The following P4HTM variants were observed in gnomAD, a reference collection of about 807,000 sequenced individuals.
P4HTM encodes the protein prolyl 4-hydroxylase, transmembrane.
P4HTM carries 33 observed loss-of-function variants against 55.3 expected under a neutral mutation model. That is an observed-to-expected ratio of 0.60 (90% CI 0.45 to 0.80). The LOEUF (loss-of-function observed/expected upper bound fraction) is 0.80, where lower values mean the gene tolerates loss of function less well. Among genes scored for constraint, P4HTM ranks in the 30% least tolerant of loss-of-function variants. P4HTM has a pLI of 0.00. For missense variants in P4HTM, 542 were observed against 696.5 expected (o/e 0.78, Z 2.50); for synonymous variants, 272 against 286.4 (o/e 0.95, Z 0.51).
Position 48,990,699 on chromosome 3 carries a change from C to T in P4HTM, c.354+89C>T. The T allele has an allele frequency of 2.1e-6, 3 of 1,459,502 alleles. No individual in the cohort carries two copies. In the East Asian group the frequency reaches 7.5e-5, roughly 36 times the overall value. The allele number at this position is 1,459,502 out of a possible 1,614,324, so 90.4% of individuals were successfully genotyped here. A position where few individuals can be genotyped will look rare whatever the true frequency, so the allele number is the denominator to read the frequency against. On this transcript the variant is annotated intron_variant, in intron 1 of 8. Coordinates refer to ENST00000383729, the MANE Select transcript of P4HTM (RefSeq NM_177939.3). The surrounding 1 kb of genome is among the most constrained non-coding windows in gnomAD (Gnocchi z 7.2). ...CTCAGCCCGGGTCCCCACGCTGCCC[C>T]CGGCGCTGCTCTGCGTCGGTCCCGC...
At chr3:49,005,324 G>A (rs1033974979) in intron 6 of P4HTM, 1 of 1,431,812 alleles carries the variant, frequency 7.0e-7, no homozygotes, top group Middle Eastern at 1.8e-4. Context: ...GGGCAAGGCT[G>A]GGCCCCTAGC....
intron 4 of P4HTM, chr3:49,003,048 TGTCCACCTGGA>T: frequency 3.1e-6 from 1 of 323,784 alleles, no homozygotes; most frequent in African/African-American, 2.2e-5. Flanking sequence ...GCCTTCCTCT[TGTCCACCTGGA>T]GTCATGCCGA....
intron 2 of P4HTM, among the ~76,000 whole-genome samples, chr3:48,994,166 T>C (rs1224130322): frequency 6.6e-6 from 1 of 152,204 alleles, no homozygotes; most frequent in East Asian, 1.9e-4. Context: ...GTCTGTCTTC[T>C]GGGCCTGCCT....
At chr3:49,003,068 G>A (rs369563987) in intron 4 of P4HTM, 23 of 306,716 alleles carry the variant, frequency 7.5e-5, no homozygotes, top group African/African-American at 4.1e-4. Flanking sequence ...GAGTCATGCC[G>A]AAGCGCCTAA....
rs1328246899 is a variant in P4HTM at position 48,994,949 on chromosome 3, G to A, written c.436+4035G>A. Among the ~76,000 whole-genome samples the A allele has an allele frequency of 8.6e-5, 13 of 151,988 alleles. No homozygotes were observed. In the South Asian group the frequency reaches 2.1e-3, roughly 24 times the overall value. On this transcript the variant is annotated intron_variant, in intron 2 of 8. Transcript: ENST00000383729. ...CAAACAGCCGGAACTACAGGCACCC[G>A]CCACCACACCTGGCTAATTTTTTGT...
At chr3:49,006,610 T>C in intron 8 of P4HTM, 77 bp from the exon 9 acceptor site, 2 of 1,218,378 alleles carry the variant, frequency 1.6e-6, no homozygotes, top group South Asian at 2.5e-5. Context: ...GGACCCACCT[T>C]GGTCATGCTC....
chr3:49,001,717 G>T, intron 3 of P4HTM, 89 bp downstream of exon 3: 1 of 1,198,002 alleles, frequency 8.3e-7, no homozygotes, highest in Non-Finnish European at 1.2e-6. Context: ...GCCCAGGCCT[G>T]GTCCCAAAAG....
Position 48,999,701 on chromosome 3 carries a change from C to T in P4HTM, c.437-1737C>T, listed in dbSNP as rs2092956003. On this transcript the variant is annotated intron_variant, in intron 2 of 8. Transcript: ENST00000383729. The surrounding 1 kb of genome is among the most constrained non-coding windows in gnomAD (Gnocchi z 4.8). ...GACTGGGCTGTTTGTTTTTGATTAGCACACAGCAGGGGACTGTAGAGGCTG... is the reference window on the plus strand; with the variant it reads ...GACTGGGCTGTTTGTTTTTGATTAGTACACAGCAGGGGACTGTAGAGGCTG... 6.4e-6 allele frequency: 1 copy of T among 157,292 alleles called. No homozygotes were observed. Among genetic ancestry groups the T allele is most frequent in the Non-Finnish European group, 1.5e-5 (1 of 68,178 alleles). The allele number at this position is 157,292 out of a possible 1,614,324, so 9.7% of individuals were successfully genotyped here. A position where few individuals can be genotyped will look rare whatever the true frequency, so the allele number is the denominator to read the frequency against.
At chr3:48,995,574 T>C (rs1476794381) in intron 2 of P4HTM, among the ~76,000 whole-genome samples, 1 of 152,076 alleles carries the variant, frequency 6.6e-6, no homozygotes, top group Non-Finnish European at 1.5e-5. Flanking sequence ...CAGAGTTGTA[T>C]CTCCTGCTGA....
chr3:48,990,113 GC>G, upstream of P4HTM: 1 of 742,684 alleles, frequency 1.3e-6, no homozygotes, highest in Non-Finnish European at 1.7e-6. This position sits in a 1 kb window ranked among gnomAD's most constrained non-coding sequence, Gnocchi z 7.2. Context: ...GCGGACGCAG[GC>G]GGCTCCGGGC....
rs2092926443 is a variant in P4HTM, at chr3:48,990,244, C to A, written c.-13C>A. On this transcript the variant is annotated 5_prime_UTR_variant, in exon 1 of 9. Coordinates refer to ENST00000383729, the MANE Select transcript of P4HTM (RefSeq NM_177939.3). The surrounding 1 kb of genome is among the most constrained non-coding windows in gnomAD (Gnocchi z 7.2). ...GCGGCCCCTCCCCTGGGCGCGCGCG[C>A]GACCTGGGTGCCATGGCGGCAGCGG... 1 of 1,190,292 alleles carries A rather than the reference C, an allele frequency of 8.4e-7. No individual in the cohort carries two copies. The highest frequency in any genetic ancestry group is 1.6e-5 in the African/African-American group (1 of 62,640). 73.7% of individuals were successfully genotyped at this position (1,190,292 alleles called of 1,614,324 possible).
rs777854835 is a variant in P4HTM at position 49,006,888 on chromosome 3, A to T, written c.1490A>T (p.Asp497Val). ...TGGGCTCTGGACCGGGCCTACCGCG[A>T]TGCGCGCGTGGAACTCTGAGGGAAG... ...PEWALDRAYR[D>V]ARVEL Residue 497 changes from aspartate to valine, a missense_variant, in exon 9 of 9, where the codon GAT becomes GTT. Transcript: ENST00000383729. The T allele has an allele frequency of 4.3e-6, 7 of 1,612,126 alleles. No homozygotes were observed. Among genetic ancestry groups the T allele is most frequent in the Non-Finnish European group, 5.9e-6 (7 of 1,179,524 alleles).
chr3:48,990,236 C>A, upstream of P4HTM: 3 of 1,176,416 alleles, frequency 2.6e-6, no homozygotes, highest in South Asian at 1.3e-4. The surrounding 1 kb of genome is among the most constrained non-coding windows in gnomAD (Gnocchi z 7.2). Flanking sequence ...CTCCCCTGGG[C>A]GCGCGCGCGA....
In P4HTM at chr3:49,006,961, G is replaced by C; in HGVS notation, c.*54G>C. On this transcript the variant is annotated 3_prime_UTR_variant, in exon 9 of 9. Coordinates refer to ENST00000383729, the MANE Select transcript of P4HTM (RefSeq NM_177939.3). ...CGGGTCGCCAGTTGCCCAAGATCAG[G>C]GGTCCGGCTGTCCTTCTGTCCTGCT... 2.1e-6 allele frequency: 3 copies of C among 1,416,966 alleles called. No homozygotes were observed. In the African/African-American group the frequency reaches 4.2e-5, roughly 20 times the overall value. 87.8% of individuals were successfully genotyped at this position (1,416,966 alleles called of 1,614,324 possible).
rs571616191 is a variant in P4HTM at position 49,001,249 on chromosome 3, C to T, written c.437-189C>T. On this transcript the variant is annotated intron_variant, in intron 2 of 8. Transcript: ENST00000383729. The stretch of plus-strand genomic sequence containing the variant: ...AAGAGAGGTCCCACATTTCCAACGC[C>T]AGCCAGCCTTTGCAGGACAACTCAA... 1.3e-4 allele frequency: 84 copies of T among 627,134 alleles called. No homozygotes were observed. The East Asian group carries it at 1.9e-3, about 14-fold the overall frequency. The allele number at this position is 627,134 out of a possible 1,614,324, so 38.8% of individuals were successfully genotyped here.
In P4HTM at chr3:48,990,873, A is replaced by T; in HGVS notation, c.395A>T (p.Asp132Val). ...AAGGTCCAGCTGGTCACCGACAGGG[A>T]TCACTTCATCCGAACCCTCAGCCTC... ...ERKVQLVTDRDHFIRTLSLKP... is the reference protein window; with the variant it reads ...ERKVQLVTDRVHFIRTLSLKP... The change falls in exon 2 of 9, where the codon GAT becomes GTT. Residue 132 changes from aspartate (D) to valine (V), a missense_variant. By Grantham distance (152) the Asp-to-Val change is radical (BLOSUM62 -3). Transcript: ENST00000383729. The surrounding 1 kb of genome is among the most constrained non-coding windows in gnomAD (Gnocchi z 7.2). 1 of 1,613,992 alleles carries T rather than the reference A, an allele frequency of 6.2e-7. No individual in the cohort carries two copies. Among genetic ancestry groups the T allele is most frequent in the Non-Finnish European group, 8.5e-7 (1 of 1,179,950 alleles).
intron 2 of P4HTM, among the ~76,000 whole-genome samples, chr3:48,995,802 T>A (rs1576604021): frequency 6.6e-6 from 1 of 152,074 alleles, no homozygotes; most frequent in African/African-American, 2.4e-5. Flanking sequence ...GCCAGGCTGG[T>A]CTCGAACTCC....
At chr3:49,001,080 C>A in intron 2 of P4HTM, 1 of 330,404 alleles carries the variant, frequency 3.0e-6, no homozygotes, top group African/African-American at 2.1e-5. Context: ...ATATTTATAC[C>A]CAGTAAAAAG....
chr3:49,002,756 T>C lies in P4HTM; in HGVS notation c.724+160T>C, dbSNP rs147426449. The C allele has an allele frequency of 1.4e-3, 1,005 of 712,934 alleles. 8 individuals carry two copies. In the Middle Eastern group the frequency reaches 0.024, roughly 17 times the overall value. The allele number at this position is 712,934 out of a possible 1,614,324, so 44.2% of individuals were successfully genotyped here. ...GGAGGTGAAGATCCAGCCTTGCTTT[T>C]TACCCCTGGGAAGTAGGCAGGCAGC... On this transcript the variant is annotated intron_variant, in intron 4 of 8. Transcript: ENST00000383729. The surrounding 1 kb of genome is among the most constrained non-coding windows in gnomAD (Gnocchi z 4.4).
Sources: gnomAD v4.1 joint callset for allele counts (sites outside exome capture counted in the v4.1 genomes callset) on GRCh38, gnomAD v4.1.1 for gene constraint, Gnocchi (gnomAD v3.1) non-coding constraint, MANE v1.5 for transcripts, NCBI Gene and HGNC (gene_info 2026-07-23, HGNC 2026-07-21) for gene names.